Variants in MKKS observed in about 807,000 individuals in gnomAD.
The protein encoded by MKKS is MKKS centrosomal shuttling protein, also known as molecular chaperone MKKS.
A neutral mutation model predicts 33.2 loss-of-function variants in MKKS; 29 were observed. That is an observed-to-expected ratio of 0.87 (90% CI 0.65 to 1.19). MKKS has a LOEUF of 1.19. Ranked by LOEUF, MKKS falls within the 50% of genes most tolerant of loss-of-function variation. The pLI, the probability that MKKS is intolerant of heterozygous loss-of-function variation, is 0.00. For synonymous variants in MKKS, 260 were observed against 244.0 expected (o/e 1.07, Z -0.61); for missense variants, 661 against 662.3 (o/e 1.00, Z 0.02).
intron 3 of MKKS, among the ~76,000 whole-genome samples, chr20:10,409,480 C>G (rs375294718): frequency 2.6e-5 from 4 of 152,024 alleles, no homozygotes; most frequent in Non-Finnish European, 4.4e-5. Flanking sequence ...AAGAAGTTAG[C>G]GTGACTTGAA....
chr20:10,406,302 T>C (rs567964244), intron 5 of MKKS, among the ~76,000 whole-genome samples: 31 of 152,326 alleles, frequency 2.0e-4, no homozygotes, highest in Middle Eastern at 3.4e-3. Context: ...AATTAATATA[T>C]AGCCATGCAC....
chr20:10,429,298 T>C (rs1299615605), intron 1 of MKKS, among the ~76,000 whole-genome samples: 1 of 152,146 alleles, frequency 6.6e-6, no homozygotes, highest in African/African-American at 2.4e-5. Flanking sequence ...TCTATACTGT[T>C]CCTTCTTAGT....
At chr20:10,424,200 A>C (rs2064999337) in intron 1 of MKKS, among the ~76,000 whole-genome samples, 1 of 152,106 alleles carries the variant, frequency 6.6e-6, no homozygotes, top group South Asian at 2.1e-4. Context: ...CTTTAAAATG[A>C]CATTGGCATA....
chr20:10,432,424 C>T (rs1283044650), intron 1 of MKKS, among the ~76,000 whole-genome samples: 1 of 152,168 alleles, frequency 6.6e-6, no homozygotes, highest in Non-Finnish European at 1.5e-5. Flanking sequence ...TGCAATCACC[C>T]CTCAGTATTT....
chr20:10,431,408 C>T (rs1169722821), intron 1 of MKKS, among the ~76,000 whole-genome samples: 2 of 152,022 alleles, frequency 1.3e-5, no homozygotes, highest in South Asian at 2.1e-4. Context: ...AGACTACTAG[C>T]CTCAGGGGGG....
At chr20:10,421,209 T>C (rs1316888383) in intron 1 of MKKS, among the ~76,000 whole-genome samples, 12 of 152,090 alleles carry the variant, frequency 7.9e-5, no homozygotes, top group Admixed American at 7.9e-4. Context: ...GCAGGCAGAT[T>C]GCCTGAGGTC....
intron 1 of MKKS, among the ~76,000 whole-genome samples, chr20:10,426,727 GTA>G (rs1568673127): frequency 6.6e-6 from 1 of 152,146 alleles, no homozygotes; most frequent in African/African-American, 2.4e-5. Flanking sequence ...TTCATGTCAG[GTA>G]TATAAAAGGT....
intron 3 of MKKS, 49 bp from the exon 4 acceptor site, chr20:10,408,852 C>T (rs748336103): frequency 1.4e-6 from 2 of 1,417,562 alleles, no homozygotes; most frequent in Non-Finnish European, 2.0e-6. Flanking sequence ...AAAAGTGGAG[C>T]AAACAACCAT....
intron 1 of MKKS, chr20:10,431,948 C>CAT (rs111811573): frequency 0.41 from 62,748 of 151,918 alleles, 13,356 homozygotes; most frequent in Non-Finnish European, 0.44. Flanking sequence ...TTCTCTAGCA[C>CAT]GTGATTCCTT....
chr20:10,425,024 A>G (rs6133926), intron 1 of MKKS, among the ~76,000 whole-genome samples: 21,393 of 151,146 alleles, frequency 0.14, 1,699 homozygotes, highest in East Asian at 0.24. Flanking sequence ...TTGCACTCCC[A>G]CCTAGGCAAC....
At chr20:10,415,933 C>T (rs1441537069) in intron 2 of MKKS, among the ~76,000 whole-genome samples, 1 of 152,002 alleles carries the variant, frequency 6.6e-6, no homozygotes, top group Non-Finnish European at 1.5e-5. Context: ...AACTTGTTGA[C>T]CTGTGGTCAC....
chr20:10,408,818 T>G lies in MKKS; in HGVS notation c.986-15A>C. On this transcript the variant is annotated splice_polypyrimidine_tract_variant and intron_variant, in intron 3 of 5. Coordinates refer to ENST00000347364, the MANE Select transcript of MKKS (RefSeq NM_170784.3). ...AGGCTGTGTTCCTATTTTTTAAAGA[T>G]TAGAAAATACAAGTTGTATAAGCAA... 6.2e-7 allele frequency: 1 copy of G among 1,600,780 alleles called. No homozygotes were observed. The highest frequency in any genetic ancestry group is 1.3e-5 in the African/African-American group (1 of 74,756).
chr20:10,405,698 A>AT lies in MKKS; in HGVS notation c.1273-12dup, dbSNP rs757794230. 2 of 1,604,454 alleles carry AT rather than the reference A, an allele frequency of 1.2e-6. No homozygotes were observed. Among genetic ancestry groups the AT allele is most frequent in the South Asian group, 2.2e-5 (2 of 90,826 alleles). ...TGGGTCGTTGTGAGTCTAAAGAGTAATAAAAACATTGAAAACACATACAAA... is the reference window on the plus strand; with the variant it reads ...TGGGTCGTTGTGAGTCTAAAGAGTAATTAAAAACATTGAAAACACATACAAA... On this transcript the variant is annotated splice_polypyrimidine_tract_variant and intron_variant, in intron 5 of 5. Transcript: ENST00000347364.
intron 2 of MKKS, among the ~76,000 whole-genome samples, chr20:10,420,157 A>C (rs1292926073): frequency 6.6e-6 from 1 of 152,172 alleles, no homozygotes; most frequent in African/African-American, 2.4e-5. Context: ...AAATGAATAC[A>C]ATTAGTTTTG....
rs1162394455 is a variant in MKKS, at chr20:10,405,347, G to A, written c.1613C>T (p.Thr538Ile). ...AAGCTTTGCAGTCAAACAGTCCAAG[G>A]TCAGGTTGCTGGCTGAGCCCACAGC... is the stretch of plus-strand genomic sequence containing the variant. ...HEAVGSASNL[T>I]LDCLTAKLSG... The change falls in exon 6 of 6, where the codon ACC (threonine) becomes ATC (isoleucine). Residue 538 changes from threonine (T) to isoleucine (I), a missense_variant. Coordinates refer to ENST00000347364, the MANE Select transcript of MKKS (RefSeq NM_170784.3). 2 of 1,614,178 alleles carry A rather than the reference G, an allele frequency of 1.2e-6. No individual in the cohort carries two copies. The highest frequency in any genetic ancestry group is 2.2e-5 in the South Asian group (2 of 91,076).
At chr20:10,432,789 C>CA (rs71184200) in intron 1 of MKKS, among the ~76,000 whole-genome samples, 16,105 of 74,274 alleles carry the variant, frequency 0.22, 3,263 homozygotes, top group Non-Finnish European at 0.26. Context: ...GACTCTTTGT[C>CA]AAAAAAAAAA....
intron 1 of MKKS, among the ~76,000 whole-genome samples, chr20:10,421,832 T>C (rs6108567): frequency 0.14 from 21,650 of 151,658 alleles, 1,737 homozygotes; most frequent in East Asian, 0.24. Context: ...CCCAGAAAGA[T>C]GCTATGTTTG....
rs187904940 is a variant in MKKS at position 10,404,061 on chromosome 20, T to C, written c.*1186A>G. On this transcript the variant is annotated 3_prime_UTR_variant, in exon 6 of 6. Transcript: ENST00000347364. ...AAATTTCCAAAATATTTTCCTAAAG[T>C]TTAATACAACATTTGTTATAGCTCC... 5.5e-4 allele frequency: 84 copies of C among 152,352 alleles called. No individual in the cohort carries two copies. Among genetic ancestry groups the C allele is most frequent in the African/African-American group, 1.9e-3 (80 of 41,582 alleles). The allele number at this position is 152,352 out of a possible 1,614,324, so 9.4% of individuals were successfully genotyped here. A position where few individuals can be genotyped will look rare whatever the true frequency, so the allele number is the denominator to read the frequency against.
chr20:10,409,642 G>C (rs1427824878), intron 3 of MKKS, among the ~76,000 whole-genome samples: 1 of 151,990 alleles, frequency 6.6e-6, no homozygotes, highest in Non-Finnish European at 1.5e-5. Context: ...ACCTTTAAAA[G>C]ATGGTTTCTT....
Sources: allele counts gnomAD v4.1 joint callset (sites outside exome capture counted in the v4.1 genomes callset), GRCh38; gene constraint gnomAD v4.1.1; transcripts MANE v1.5; gene names NCBI Gene and HGNC (gene_info 2026-07-23, HGNC 2026-07-21).